NLRP1: variants seen among roughly 807,000 people sequenced by gnomAD.
NLRP1 encodes NACHT, LRR and PYD domains-containing protein 1.
Under a neutral mutation model 136.7 loss-of-function variants are expected in NLRP1, and 94 were observed. The ratio of observed to expected loss-of-function variants is 0.69; its 90% CI spans 0.58 to 0.82. NLRP1 has a LOEUF of 0.82. NLRP1 is among the 40% of genes least tolerant of loss of function. The pLI is 0.00. For synonymous variants in NLRP1, 690 were observed against 725.1 expected, an observed-to-expected ratio of 0.95 and a Z score of 0.78; for missense variants, 1,575 against 1,802.7, an observed-to-expected ratio of 0.87 and a Z score of 2.29.
chr17:5,502,090 G>A, intron 15 of NLRP1: 1 of 498,048 alleles, frequency 2.0e-6, no homozygotes, highest in Non-Finnish European at 3.7e-6. Flanking sequence ...GCGTTGCCAG[G>A]GACTTCTTGC....
chr17:5,550,687 T>C (rs924999309), intron 5 of NLRP1, among the ~76,000 whole-genome samples: 2 of 152,140 alleles, frequency 1.3e-5, no homozygotes, highest in Non-Finnish European at 2.9e-5. Flanking sequence ...CTCTGTTTCA[T>C]TTATCTCTAC....
chr17:5,558,838 T>C lies in NLRP1; in HGVS notation c.1858A>G (p.Ser620Gly). 6.2e-7 allele frequency: 1 copy of C among 1,614,208 alleles called. No individual in the cohort carries two copies. Among genetic ancestry groups the C allele is most frequent in the East Asian group, 2.2e-5 (1 of 44,890 alleles). ...LQEHPIPLSYSFIHLCFQEFF... is the reference protein window; with the variant it reads ...LQEHPIPLSYGFIHLCFQEFF... ...TCTTGGAAACAGAGGTGAATGAAGC[T>C]GTAGCTCAGAGGGATGGGGTGCTCT... The change falls in exon 4 of 17, where the codon AGC (serine) becomes GGC (glycine). Residue 620 changes from serine (S) to glycine (G), a missense_variant. Physicochemically the swap from Ser to Gly is moderately conservative, Grantham distance 56. Coordinates refer to ENST00000572272, the MANE Select transcript of NLRP1 (RefSeq NM_033004.4).
chr17:5,501,991 C>T (rs1597383797), intron 15 of NLRP1: 2 of 865,238 alleles, frequency 2.3e-6, no homozygotes, highest in East Asian at 2.6e-5. Context: ...AGAGAACTCC[C>T]TGCCTCCTGC....
rs755841500 is a variant in NLRP1, at chr17:5,515,016, T to A, written c.4160A>T (p.Glu1387Val). The A allele has an allele frequency of 6.2e-7, 1 of 1,614,050 alleles. No homozygotes were observed. The highest frequency in any genetic ancestry group is 1.3e-5 in the African/African-American group (1 of 74,922). Residue 1387 changes from glutamate (E) to valine (V), a missense_variant, in exon 17 of 17, where the codon GAG (glutamate) becomes GTG (valine). By Grantham distance (121) the Glu-to-Val change is moderately radical. Coordinates refer to ENST00000572272, the MANE Select transcript of NLRP1 (RefSeq NM_033004.4). Reference protein sequence around the residue: ...QLLHFVDQYREQLIARVTSVE... With the variant: ...QLLHFVDQYRVQLIARVTSVE... ...CGATGTCACTCGGGCTATCAGCTGC[T>A]CTCGATACTGGTCCACAAAGTGCAG...
chr17:5,526,613 T>A (rs1909582971), intron 12 of NLRP1, among the ~76,000 whole-genome samples: 1 of 151,644 alleles, frequency 6.6e-6, no homozygotes, highest in Non-Finnish European at 1.5e-5. Flanking sequence ...CTGAAGGAGA[T>A]GGGTGGGTGG....
At chr17:5,511,152 C>G (rs7214293), downstream of NLRP1, among the ~76,000 whole-genome samples, 1 of 152,036 alleles carries the variant, frequency 6.6e-6, no homozygotes, top group Non-Finnish European at 1.5e-5. Flanking sequence ...AGATCCAGGC[C>G]GGGCACGGTG....
downstream of NLRP1, chr17:5,512,477 C>T (rs1907705840): frequency 5.7e-6 from 4 of 699,318 alleles, no homozygotes; most frequent in East Asian, 9.8e-5. Flanking sequence ...CACACCATTG[C>T]ATTTTTCTTT....
At chr17:5,526,043 T>C (rs1266195070) in intron 12 of NLRP1, among the ~76,000 whole-genome samples, 3 of 151,700 alleles carry the variant, frequency 2.0e-5, no homozygotes, top group Admixed American at 6.6e-5. Context: ...TGCACGATCA[T>C]GACTCACTGT....
At chr17:5,558,032 G>T (rs1402447286) in intron 4 of NLRP1, among the ~76,000 whole-genome samples, 2 of 152,084 alleles carry the variant, frequency 1.3e-5, no homozygotes, top group Non-Finnish European at 2.9e-5. Flanking sequence ...TCAGCAGGAA[G>T]GTGGGAGCAC....
Position 5,559,665 on chromosome 17 carries a change from G to A in NLRP1, c.1031C>T (p.Ala344Val), listed in dbSNP as rs1914505538. The part of the protein sequence containing the change: ...GAAGIGKSTL[A>V]RQVKEAWGRG... ...CCCCCAGGCTTCCTTCACCTGCCTG[G>A]CCAGTGTTGACTTCCCAATTCCAGC... The change falls in exon 4 of 17, where the codon GCC becomes GTC. Residue 344 changes from alanine (A) to valine (V), a missense_variant. Ala to Val is a moderately conservative substitution (Grantham distance 64). Transcript: ENST00000572272. The A allele has an allele frequency of 6.2e-7, 1 of 1,614,100 alleles. No individual in the cohort carries two copies. The highest frequency in any genetic ancestry group is 1.3e-5 in the African/African-American group (1 of 74,932).
chr17:5,544,503 G>C (rs1912305999), intron 5 of NLRP1, among the ~76,000 whole-genome samples: 1 of 152,214 alleles, frequency 6.6e-6, no homozygotes, highest in African/African-American at 2.4e-5. Flanking sequence ...TTGTGGGAGA[G>C]GCACCCTGCA....
Position 5,537,046 on chromosome 17 carries a change from A to G in NLRP1, c.2871-106T>C, listed in dbSNP as rs994609422. 4.0e-6 allele frequency: 3 copies of G among 754,154 alleles called. No homozygotes were observed. The highest frequency in any genetic ancestry group is 7.0e-6 in the Non-Finnish European group (3 of 427,362). 46.7% of individuals were successfully genotyped at this position (754,154 alleles called of 1,614,324 possible). ...TGTCACCTTCTGAGGCAGCGGCCGC[A>G]GGGTGGGTTCCCTGGAAGCCAGGCT... On this transcript the variant is annotated intron_variant, in intron 7 of 16. Transcript: ENST00000572272. This position sits in a 1 kb window ranked among gnomAD's most constrained non-coding sequence, Gnocchi z 4.5.
chr17:5,501,918 T>G, intron 15 of NLRP1: 2 of 1,559,480 alleles, frequency 1.3e-6, no homozygotes, highest in Non-Finnish European at 1.8e-6. Context: ...TGAGTCCCAG[T>G]AGATTGGAGA....
intron 9 of NLRP1, among the ~76,000 whole-genome samples, 167 bp from the exon 10 acceptor site, chr17:5,533,551 GTTTTT>G (rs35006823): frequency 0.011 from 947 of 89,996 alleles, 20 homozygotes; most frequent in African/African-American, 0.037. Flanking sequence ...GTGAGACTCT[GTTTTT>G]TTTTTTTTTT....
Position 5,559,618 on chromosome 17 carries a change from G to C in NLRP1, c.1078C>G (p.Arg360Gly). The change falls in exon 4 of 17, where the codon CGC (arginine) becomes GGC (glycine). Residue 360 changes from arginine (R) to glycine (G), a missense_variant. Arg to Gly is a moderately radical substitution (Grantham distance 125). Coordinates refer to ENST00000572272, the MANE Select transcript of NLRP1 (RefSeq NM_033004.4). Reference protein sequence around the residue: ...AWGRGQLYGDRFQHVFYFSCR... With the variant: ...AWGRGQLYGDGFQHVFYFSCR... ...CTGAAGTAGAAGACATGCTGGAAGC[G>C]GTCCCCATACAGCTGGCCTCTCCCC... The C allele has an allele frequency of 6.2e-7, 1 of 1,614,192 alleles. No individual in the cohort carries two copies.
At chr17:5,564,616 C>CA (rs1915115178) in intron 3 of NLRP1, among the ~76,000 whole-genome samples, 1 of 152,018 alleles carries the variant, frequency 6.6e-6, no homozygotes, top group East Asian at 1.9e-4. Flanking sequence ...GGGTTGCTTC[C>CA]AATCTTGGCT....
At chr17:5,533,829 A>C in intron 9 of NLRP1, 68 bp downstream of exon 9, 1 of 1,025,622 alleles carries the variant, frequency 9.8e-7, no homozygotes, top group Non-Finnish European at 1.5e-6. Flanking sequence ...GATGGAGGGA[A>C]TGACCTCCCA....
downstream of NLRP1, among the ~76,000 whole-genome samples, chr17:5,509,636 C>T (rs72827620): frequency 0.012 from 1,791 of 152,244 alleles, 15 homozygotes; most frequent in Non-Finnish European, 0.019. Flanking sequence ...GGCGTGATCT[C>T]GGCTCACTGC....
chr17:5,577,211 G>T (rs1020932372), intron 3 of NLRP1, among the ~76,000 whole-genome samples: 1 of 152,216 alleles, frequency 6.6e-6, no homozygotes, highest in Non-Finnish European at 1.5e-5. Flanking sequence ...ACAAGACAGG[G>T]ATGCCCTCTC....
Sources: allele counts gnomAD v4.1 joint callset (sites outside exome capture counted in the v4.1 genomes callset), GRCh38; gene constraint gnomAD v4.1.1; non-coding constraint Gnocchi (gnomAD v3.1); transcripts MANE v1.5; gene names NCBI Gene and HGNC (gene_info 2026-07-23, HGNC 2026-07-21).